CENPW: variants seen among roughly 807,000 people sequenced by gnomAD.
CENPW encodes centromere protein W.
In CENPW, 3 loss-of-function variants were observed where a neutral mutation model predicts 11.1. The observed-to-expected ratio is 0.27, with a 90% CI of 0.12 to 0.70. The LOEUF is 0.70. Among genes scored for constraint, CENPW ranks in the 30% least tolerant of loss-of-function variants. CENPW has a pLI of 0.77. For missense variants in CENPW, 100 were observed against 105.6 expected, an observed-to-expected ratio of 0.95 and a Z score of 0.23; for synonymous variants, 38 against 42.0, an observed-to-expected ratio of 0.91 and a Z score of 0.37.
downstream of CENPW, among the ~76,000 whole-genome samples, chr6:126,350,930 T>C (rs1562382122): frequency 6.6e-6 from 1 of 152,046 alleles, no homozygotes; most frequent in Admixed American, 6.6e-5. Context: ...TAGTTAATGC[T>C]GAATAGTTCT....
chr6:126,376,324 C>T, the CENPW span, among the ~76,000 whole-genome samples: 8 of 152,046 alleles, frequency 5.3e-5, no homozygotes, highest in African/African-American at 1.9e-4. Context: ...TGCTTGGGAC[C>T]AAATAATTGT....
At chr6:126,432,179 T>C in the CENPW span, among the ~76,000 whole-genome samples, 1 of 152,100 alleles carries the variant, frequency 6.6e-6, no homozygotes, top group Non-Finnish European at 1.5e-5. Context: ...GGAATTATGC[T>C]GCGTGGCATT....
chr6:126,382,866 G>A, the CENPW span, among the ~76,000 whole-genome samples: 3 of 152,116 alleles, frequency 2.0e-5, no homozygotes, highest in African/African-American at 7.2e-5. Flanking sequence ...TACATTTCAG[G>A]TTATCATCCA....
chr6:126,341,635 A>G (rs577506269), intron 1 of CENPW, among the ~76,000 whole-genome samples: 4 of 152,310 alleles, frequency 2.6e-5, no homozygotes, highest in Admixed American at 6.5e-5. Context: ...CCCGACCCCA[A>G]TTAACTATCC....
At chr6:126,468,401 C>T in the CENPW span, among the ~76,000 whole-genome samples, 1 of 81,604 alleles carries the variant, frequency 1.2e-5, no homozygotes, top group East Asian at 4.4e-4. Flanking sequence ...GCCTGGGCAA[C>T]AAGAGCTAAA....
At chr6:126,379,797 AAAATC>A in the CENPW span, among the ~76,000 whole-genome samples, 1 of 152,212 alleles carries the variant, frequency 6.6e-6, no homozygotes, top group Non-Finnish European at 1.5e-5. Flanking sequence ...TGGAGAAAGA[AAAATC>A]AAACGAATTA....
the CENPW span, among the ~76,000 whole-genome samples, chr6:126,415,805 C>A: frequency 2.6e-5 from 4 of 152,208 alleles, no homozygotes; most frequent in Non-Finnish European, 5.9e-5. Flanking sequence ...GCCTCCCCAG[C>A]CATGTAGAAC....
At chr6:126,359,183 C>T in the CENPW span, among the ~76,000 whole-genome samples, 1 of 151,954 alleles carries the variant, frequency 6.6e-6, no homozygotes, top group Non-Finnish European at 1.5e-5. Context: ...ATTCAATGTT[C>T]ATCCAGGAGT....
At chr6:126,386,836 A>G in the CENPW span, among the ~76,000 whole-genome samples, 1 of 152,036 alleles carries the variant, frequency 6.6e-6, no homozygotes, top group African/African-American at 2.4e-5. Context: ...TATCTTGATA[A>G]GTACAATAAT....
chr6:126,393,070 G>A, the CENPW span, among the ~76,000 whole-genome samples: 2 of 151,790 alleles, frequency 1.3e-5, no homozygotes, highest in East Asian at 3.9e-4. Context: ...ATTTTCCAAT[G>A]TATTGGTATA....
At chr6:126,430,636 T>C in the CENPW span, among the ~76,000 whole-genome samples, 2 of 152,006 alleles carry the variant, frequency 1.3e-5, no homozygotes, top group Non-Finnish European at 2.9e-5. Context: ...GTAGGAAAGG[T>C]CGGTTGTTAT....
chr6:126,479,943 A>G, the CENPW span, among the ~76,000 whole-genome samples: 1 of 151,856 alleles, frequency 6.6e-6, no homozygotes, highest in Admixed American at 6.6e-5. Context: ...TTACACAACC[A>G]CTTAATATAT....
chr6:126,364,658 T>C, the CENPW span, among the ~76,000 whole-genome samples: 20 of 152,310 alleles, frequency 1.3e-4, no homozygotes, highest in East Asian at 2.1e-3. Context: ...ATCAAGGTTG[T>C]TTTTCTCATG....
the CENPW span, among the ~76,000 whole-genome samples, chr6:126,368,484 T>C: frequency 6.6e-6 from 1 of 151,982 alleles, no homozygotes; most frequent in African/African-American, 2.4e-5. Flanking sequence ...ATGTATTGGA[T>C]TGGAGTACTT....
At chr6:126,397,579 T>C in the CENPW span, among the ~76,000 whole-genome samples, 13 of 152,318 alleles carry the variant, frequency 8.5e-5, 1 homozygote, top group Middle Eastern at 3.4e-3. Context: ...TTTGTGTGTG[T>C]GTATAGATGG....
the CENPW span, among the ~76,000 whole-genome samples, chr6:126,373,430 A>G: frequency 6.6e-6 from 1 of 152,236 alleles, no homozygotes; most frequent in Non-Finnish European, 1.5e-5. Flanking sequence ...TGCTTCTAAC[A>G]TGACTGCCTA....
chr6:126,475,572 G>T, the CENPW span, among the ~76,000 whole-genome samples: 3 of 151,958 alleles, frequency 2.0e-5, no homozygotes, highest in Admixed American at 1.3e-4. Flanking sequence ...TTGTTGAAAA[G>T]AACAATGGCT....
At chr6:126,340,877 C>T (rs1780293432) in intron 1 of CENPW, among the ~76,000 whole-genome samples, 1 of 152,148 alleles carries the variant, frequency 6.6e-6, no homozygotes. Context: ...TCTTTCCTCC[C>T]TTGGCTCCCT....
chr6:126,386,458 A>T, the CENPW span, among the ~76,000 whole-genome samples: 3 of 152,068 alleles, frequency 2.0e-5, no homozygotes, highest in Non-Finnish European at 2.9e-5. Context: ...CTATTTAACT[A>T]TATCAGTCTC....
Sources: allele counts gnomAD v4.1 joint callset (sites outside exome capture counted in the v4.1 genomes callset), GRCh38; gene constraint gnomAD v4.1.1; transcripts MANE v1.5; gene names NCBI Gene and HGNC (gene_info 2026-07-23, HGNC 2026-07-21).